CCDC158: variants seen among roughly 807,000 people sequenced by gnomAD.
CCDC158 encodes coiled-coil domain containing 158.
In CCDC158, 116 loss-of-function variants were observed where a neutral mutation model predicts 138.6. The observed-to-expected ratio is 0.84, with a 90% CI of 0.72 to 0.98. The LOEUF (loss-of-function observed/expected upper bound fraction) is 0.98, where lower values mean the gene tolerates loss of function less well. Ranked by LOEUF, CCDC158 falls within the 50% of genes least tolerant of loss-of-function variation. The pLI is 0.00. For synonymous variants in CCDC158, 436 were observed against 442.4 expected (o/e 0.99, Z 0.18); for missense variants, 1,265 against 1,306.1 (o/e 0.97, Z 0.48).
chr4:76,347,535 C>T (rs910741875), intron 18 of CCDC158, among the ~76,000 whole-genome samples: 2 of 152,008 alleles, frequency 1.3e-5, no homozygotes, highest in Non-Finnish European at 2.9e-5. Flanking sequence ...GGGAGGGGAA[C>T]ATTACACAAT....
chr4:76,392,292 T>A (rs1669933382), intron 4 of CCDC158, among the ~76,000 whole-genome samples: 1 of 152,054 alleles, frequency 6.6e-6, no homozygotes, highest in Admixed American at 6.6e-5. Context: ...GTGGGATTTA[T>A]CCCTGGGATG....
chr4:76,395,220 G>A (rs1727669819), intron 4 of CCDC158, among the ~76,000 whole-genome samples: 1 of 152,098 alleles, frequency 6.6e-6, no homozygotes, highest in African/African-American at 2.4e-5. Flanking sequence ...TTTATCATAG[G>A]TAATGCCACT....
At chr4:76,411,927 A>C (rs1209882017) in intron 2 of CCDC158, among the ~76,000 whole-genome samples, 163 bp downstream of exon 2, 3 of 152,324 alleles carry the variant, frequency 2.0e-5, no homozygotes, top group East Asian at 3.9e-4. Flanking sequence ...TGCAGCTTTT[A>C]TATTGTAGGC....
At chr4:76,379,559 T>A (rs1185205946) in intron 8 of CCDC158, among the ~76,000 whole-genome samples, 155 bp from the exon 9 acceptor site, 3 of 152,182 alleles carry the variant, frequency 2.0e-5, no homozygotes, top group Non-Finnish European at 4.4e-5. Flanking sequence ...TCTCAAAAGT[T>A]TCACCTCAAA....
chr4:76,371,588 TAA>T (rs749380420), intron 9 of CCDC158, 52 bp from the exon 10 acceptor site: 674 of 1,580,890 alleles, frequency 4.3e-4, no homozygotes, highest in Non-Finnish European at 5.6e-4. Context: ...GTGGGTAATA[TAA>T]AATAAATATA....
chr4:76,377,704 AC>A (rs984536261), intron 9 of CCDC158, among the ~76,000 whole-genome samples: 36 of 152,126 alleles, frequency 2.4e-4, no homozygotes, highest in South Asian at 2.1e-4. Flanking sequence ...TTCCTCTCTG[AC>A]CTTTTGTTTG....
chr4:76,331,297 A>G lies in CCDC158; in HGVS notation c.2942+47T>C, dbSNP rs757901286. On this transcript the variant is annotated intron_variant, in intron 21 of 24. Coordinates refer to ENST00000682701, the MANE Select transcript of CCDC158 (RefSeq NM_001394954.1). ...TAAAGATCTTTTGAATTAATAATGA[A>G]CAGTCGTAAAAGGGACATTTTGAAA... 59 of 1,485,652 alleles carry G rather than the reference A, an allele frequency of 4.0e-5. No individual in the cohort carries two copies. The East Asian group carries it at 1.2e-3, about 31-fold the overall frequency. The allele number at this position is 1,485,652 out of a possible 1,614,324, so 92.0% of individuals were successfully genotyped here.
intron 24 of CCDC158, among the ~76,000 whole-genome samples, chr4:76,316,868 A>G (rs1466764477): frequency 7.0e-6 from 1 of 143,786 alleles, no homozygotes; most frequent in East Asian, 2.1e-4. Context: ...ACTAAGCTTC[A>G]TGAATGAAGG....
At chr4:76,408,758 C>T (rs983586408) in intron 2 of CCDC158, among the ~76,000 whole-genome samples, 8 of 152,138 alleles carry the variant, frequency 5.3e-5, no homozygotes, top group Admixed American at 1.3e-4. Flanking sequence ...TGAGGAATTG[C>T]CACATTGTCT....
At chr4:76,395,940 C>T (rs1727741616) in intron 4 of CCDC158, among the ~76,000 whole-genome samples, 1 of 152,178 alleles carries the variant, frequency 6.6e-6, no homozygotes, top group South Asian at 2.1e-4. Context: ...GATAGCAGGA[C>T]AGCAGGTCTA....
chr4:76,344,646 C>T (rs1722372508), intron 18 of CCDC158: 3 of 1,592,970 alleles, frequency 1.9e-6, no homozygotes, highest in Admixed American at 3.3e-5. Context: ...ATTTACAGTG[C>T]ACACAAAGAC....
chr4:76,395,391 A>G (rs1727686208), intron 4 of CCDC158, among the ~76,000 whole-genome samples: 1 of 152,190 alleles, frequency 6.6e-6, no homozygotes, highest in East Asian at 1.9e-4. Flanking sequence ...ATGAGGTAGA[A>G]CAATGTGGTA....
chr4:76,382,127 G>A (rs764561706), intron 8 of CCDC158, among the ~76,000 whole-genome samples: 11 of 152,178 alleles, frequency 7.2e-5, no homozygotes, highest in Non-Finnish European at 1.2e-4. Flanking sequence ...CCGTGATAGC[G>A]AGTGAGTTCT....
intron 1 of CCDC158, among the ~76,000 whole-genome samples, chr4:76,413,469 T>G (rs1482898707): frequency 6.9e-6 from 1 of 144,078 alleles, no homozygotes; most frequent in African/African-American, 2.6e-5. Context: ...AGTGAGACCT[T>G]GTCTCAAAAA....
intron 1 of CCDC158, among the ~76,000 whole-genome samples, chr4:76,416,210 C>G (rs1035387630): frequency 3.9e-5 from 6 of 152,184 alleles, no homozygotes; most frequent in African/African-American, 1.4e-4. Flanking sequence ...ACATGGGACC[C>G]ATGTGACCTT....
chr4:76,400,130 A>G (rs1163572123), intron 3 of CCDC158, among the ~76,000 whole-genome samples: 2 of 152,144 alleles, frequency 1.3e-5, no homozygotes, highest in African/African-American at 2.4e-5. Flanking sequence ...CACTATTCAC[A>G]ATAGCAAAGA....
chr4:76,341,125 C>T (rs1386268249), intron 18 of CCDC158, among the ~76,000 whole-genome samples: 1 of 152,078 alleles, frequency 6.6e-6, no homozygotes, highest in African/African-American at 2.4e-5. Flanking sequence ...TAAAATTTTT[C>T]ATAAATTATA....
intron 24 of CCDC158, among the ~76,000 whole-genome samples, chr4:76,320,247 A>G (rs1364438325): frequency 1.3e-5 from 2 of 152,208 alleles, no homozygotes; most frequent in Non-Finnish European, 2.9e-5. Context: ...GAGATGAACA[A>G]TCGCTACAGG....
At chr4:76,330,532 G>C (rs1720915886) in intron 21 of CCDC158, among the ~76,000 whole-genome samples, 1 of 152,046 alleles carries the variant, frequency 6.6e-6, no homozygotes, top group Non-Finnish European at 1.5e-5. Flanking sequence ...TTTACACTTG[G>C]CTAGTCTGCA....
Sources: gnomAD v4.1 joint callset for allele counts (sites outside exome capture counted in the v4.1 genomes callset) on GRCh38, gnomAD v4.1.1 for gene constraint, MANE v1.5 for transcripts, NCBI Gene and HGNC (gene_info 2026-07-23, HGNC 2026-07-21) for gene names.